The following MLIP variants were observed in gnomAD, a reference collection of about 807,000 sequenced individuals.
The protein encoded by MLIP is muscular LMNA interacting protein.
A neutral mutation model predicts 84.8 loss-of-function variants in MLIP; 79 were observed. The ratio of observed to expected loss-of-function variants is 0.93; its 90% confidence interval spans 0.78 to 1.12. The LOEUF is 1.12. Ranked by LOEUF, MLIP falls within the 50% of genes most tolerant of loss-of-function variation. The pLI is 0.00. For synonymous variants in MLIP, 504 were observed against 463.0 expected (o/e 1.09, Z -1.14); for missense variants, 1,257 against 1,160.6 (o/e 1.08, Z -1.21).
chr6:54,043,414 C>T (rs1344051661), intron 1 of MLIP: 1 of 152,160 alleles, frequency 6.6e-6, no homozygotes, highest in Admixed American at 6.6e-5. Context: ...AAAGGCTGAC[C>T]TGAAACAAAG....
intron 1 of MLIP, among the ~76,000 whole-genome samples, chr6:54,082,236 C>A (rs1235155939): frequency 1.3e-5 from 2 of 151,786 alleles, no homozygotes; most frequent in Admixed American, 1.3e-4. Context: ...TTTATCTATT[C>A]CTCTGTTGAT....
chr6:54,049,977 G>A (rs1305646570), intron 1 of MLIP, among the ~76,000 whole-genome samples: 1 of 152,216 alleles, frequency 6.6e-6, no homozygotes, highest in South Asian at 2.1e-4. Context: ...AATTGTCTCA[G>A]AATTAAACAA....
At chr6:54,208,194 AAAC>A (rs1440997292) in intron 11 of MLIP, among the ~76,000 whole-genome samples, 3 of 152,242 alleles carry the variant, frequency 2.0e-5, no homozygotes, top group Non-Finnish European at 2.9e-5. Context: ...GTAAGGTATT[AAAC>A]AACAACATTT....
intron 1 of MLIP, among the ~76,000 whole-genome samples, chr6:54,097,706 G>T (rs1468068071): frequency 6.6e-6 from 1 of 152,160 alleles, no homozygotes; most frequent in Admixed American, 6.5e-5. Context: ...TCTAACGTAT[G>T]TTGAGGGTTT....
intron 2 of MLIP, among the ~76,000 whole-genome samples, chr6:54,123,274 A>G (rs956166284): frequency 3.3e-4 from 51 of 152,332 alleles, no homozygotes; most frequent in African/African-American, 1.2e-3. Flanking sequence ...AACATATGTT[A>G]TTCTCTTGAT....
At chr6:54,091,572 T>C (rs1582118232) in intron 1 of MLIP, among the ~76,000 whole-genome samples, 1 of 151,828 alleles carries the variant, frequency 6.6e-6, no homozygotes, top group Admixed American at 6.6e-5. Flanking sequence ...GAAAGGTGGG[T>C]TTTCAAGATC....
rs143453914 is a variant in MLIP at position 54,121,488 on chromosome 6, A to G, written c.138A>G (p.Thr46=). ...GGSEAKPLIF[T]FVPTVRRLPT... is the part of the protein sequence containing the mutation. The stretch of plus-strand genomic sequence containing the variant: ...CTGAAGCCAAACCTCTGATCTTCAC[A>G]TTTGTCCCCACTGTCAGAAGACTAC... The change falls in exon 2 of 14, where the codon ACA becomes ACG. Residue 46 remains threonine, a synonymous_variant. Transcript: ENST00000502396. The G allele has an allele frequency of 3.4e-4, 550 of 1,614,088 alleles. No individual in the cohort carries two copies. Among genetic ancestry groups the G allele is most frequent in the Middle Eastern group, 6.6e-4 (4 of 6,062 alleles).
chr6:54,071,247 T>C (rs966078897), intron 1 of MLIP, among the ~76,000 whole-genome samples: 1 of 152,136 alleles, frequency 6.6e-6, no homozygotes, highest in African/African-American at 2.4e-5. Context: ...TCTGCTTTGC[T>C]GTAACAATGG....
At chr6:54,162,528 G>C (rs778165025) in intron 8 of MLIP, among the ~76,000 whole-genome samples, 32 of 151,932 alleles carry the variant, frequency 2.1e-4, no homozygotes, top group Non-Finnish European at 3.5e-4. Flanking sequence ...AAATATGGCT[G>C]CTGTGAGGAG....
chr6:54,153,238 CAACT>C (rs1232434227), intron 5 of MLIP, among the ~76,000 whole-genome samples: 2 of 150,378 alleles, frequency 1.3e-5, no homozygotes, highest in African/African-American at 4.9e-5. Flanking sequence ...GTTATTTTAA[CAACT>C]AATAAAAACG....
rs1284187710 is a variant in MLIP, at chr6:54,160,762, G to C, written c.2462G>C (p.Arg821Thr). 9 of 1,597,862 alleles carry C rather than the reference G, an allele frequency of 5.6e-6. No homozygotes were observed. The highest frequency in any genetic ancestry group is 7.7e-6 in the Non-Finnish European group (9 of 1,167,592). ...CAGCATTCTTCTGATTCTCCTTCAA[G>C]GTCCCCAAAGACATTGTTGGGTTCT... ...LSMHSSDSPS[R>T]SPKTLLGSDT... The change falls in exon 8 of 14, where the codon AGG (arginine) becomes ACG (threonine). Residue 821 changes from arginine (R) to threonine (T), a missense_variant. Physicochemically the swap from Arg to Thr is moderately conservative, Grantham distance 71. Coordinates refer to ENST00000502396, the MANE Select transcript of MLIP (RefSeq NM_001281747.2).
At chr6:54,054,943 A>C (rs1274970930) in intron 1 of MLIP, among the ~76,000 whole-genome samples, 2 of 151,136 alleles carry the variant, frequency 1.3e-5, no homozygotes, top group African/African-American at 2.4e-5. Flanking sequence ...GCTGGAGTGC[A>C]CTGGCTTGAT....
chr6:54,216,789 A>T, intron 11 of MLIP: 5 of 985,338 alleles, frequency 5.1e-6, no homozygotes, highest in Non-Finnish European at 3.6e-6. Context: ...GATATGCCAT[A>T]TAATCGAAAC....
intron 12 of MLIP, among the ~76,000 whole-genome samples, chr6:54,232,641 C>A (rs918851433): frequency 6.6e-6 from 1 of 152,154 alleles, no homozygotes; most frequent in Admixed American, 6.5e-5. Context: ...TGTTTACAAA[C>A]ATTGTTTGTT....
chr6:54,142,927 A>C (rs553846502), intron 4 of MLIP, among the ~76,000 whole-genome samples: 2 of 152,116 alleles, frequency 1.3e-5, no homozygotes, highest in Non-Finnish European at 2.9e-5. Flanking sequence ...ACAAAAAAAA[A>C]ACGCTGAAAC....
At chr6:54,145,752 G>A (rs1211452675) in intron 4 of MLIP, among the ~76,000 whole-genome samples, 1 of 151,470 alleles carries the variant, frequency 6.6e-6, no homozygotes, top group Non-Finnish European at 1.5e-5. Context: ...CTCCAGCCTA[G>A]GCAACAGAGA....
At chr6:54,210,132 T>TCACCG (rs1465493033) in intron 11 of MLIP, among the ~76,000 whole-genome samples, 43 of 152,090 alleles carry the variant, frequency 2.8e-4, no homozygotes, top group African/African-American at 1.0e-3. Flanking sequence ...CCTGCCCACC[T>TCACCG]CACCTCACCG....
intron 12 of MLIP, among the ~76,000 whole-genome samples, chr6:54,240,944 C>G (rs1383377474): frequency 3.9e-5 from 6 of 152,066 alleles, no homozygotes; most frequent in Admixed American, 1.3e-4. Flanking sequence ...CCACTGCACT[C>G]CAGCCTGGCG....
At chr6:54,158,884 T>A (rs904761984) in intron 5 of MLIP, among the ~76,000 whole-genome samples, 1 of 143,240 alleles carries the variant, frequency 7.0e-6, no homozygotes, top group Non-Finnish European at 1.6e-5. Context: ...AAAAAAAAAA[T>A]TTTCAAAGGG....
Sources: gnomAD v4.1 joint callset for allele counts (sites outside exome capture counted in the v4.1 genomes callset) on GRCh38, gnomAD v4.1.1 for gene constraint, MANE v1.5 for transcripts, NCBI Gene and HGNC (gene_info 2026-07-23, HGNC 2026-07-21) for gene names.